The following LRRC40 variants were observed in gnomAD, a reference collection of about 807,000 sequenced individuals.
The protein encoded by LRRC40 is leucine-rich repeat-containing protein 40.
Under a neutral mutation model 72.8 loss-of-function variants are expected in LRRC40, and 76 were observed. That is an observed-to-expected ratio of 1.04 (90% CI 0.87 to 1.26). LRRC40 has a LOEUF of 1.26. LRRC40 is among the 50% of genes most tolerant of loss of function. The probability of loss-of-function intolerance (pLI) is 0.00; values close to 1 mark genes in which losing one functional copy is unlikely to be tolerated. For missense variants in LRRC40, 684 were observed against 698.9 expected (o/e 0.98, Z 0.24); for synonymous variants, 243 against 254.2 (o/e 0.96, Z 0.42).
chr1:70,172,747 T>A (rs1668024557), intron 9 of LRRC40, among the ~76,000 whole-genome samples: 1 of 152,142 alleles, frequency 6.6e-6, no homozygotes, highest in African/African-American at 2.4e-5. Flanking sequence ...ATTATCTTAC[T>A]CATTTAATAT....
chr1:70,195,174 A>G (rs983745884), intron 1 of LRRC40, among the ~76,000 whole-genome samples: 4 of 152,110 alleles, frequency 2.6e-5, no homozygotes, highest in African/African-American at 7.2e-5. Context: ...CTTGGGACAG[A>G]AAAAGTTCAT....
chr1:70,165,554 T>C (rs1236562664), intron 9 of LRRC40, among the ~76,000 whole-genome samples: 1 of 152,208 alleles, frequency 6.6e-6, no homozygotes, highest in East Asian at 1.9e-4. Flanking sequence ...AGTTTTTATC[T>C]CATTTTACCA....
At chr1:70,185,595 G>A (rs972575434) in intron 3 of LRRC40, among the ~76,000 whole-genome samples, 1 of 152,064 alleles carries the variant, frequency 6.6e-6, no homozygotes, top group East Asian at 1.9e-4. Flanking sequence ...GCATGAAAAC[G>A]GACTAATACA....
chr1:70,197,627 T>C (rs1668644756), intron 1 of LRRC40, among the ~76,000 whole-genome samples: 2 of 151,042 alleles, frequency 1.3e-5, no homozygotes, highest in South Asian at 4.3e-4. Flanking sequence ...TGTCTTACTC[T>C]TTTTTCCACT....
At chr1:70,200,664 A>C (rs1668717521) in intron 1 of LRRC40, among the ~76,000 whole-genome samples, 1 of 152,236 alleles carries the variant, frequency 6.6e-6, no homozygotes, top group South Asian at 2.1e-4. Context: ...TATTTCCTCT[A>C]GAACTATATC....
At position 70,205,543 on chromosome 1, in the gene LRRC40, T is replaced by G. The variant is rs1193672699; in HGVS notation, c.-3A>C. The G allele has an allele frequency of 1.3e-6, 2 of 1,592,846 alleles. No individual in the cohort carries two copies. The highest frequency in any genetic ancestry group is 1.1e-5 in the South Asian group (1 of 89,684). On this transcript the variant is annotated 5_prime_UTR_variant, in exon 1 of 15. Coordinates refer to ENST00000370952, the MANE Select transcript of LRRC40 (RefSeq NM_017768.5). ...GCTATCCGCTTCAGGCGCGACATGTTCAAAGTCCTAGGTCCAGAAGCTGCA... is the reference window on the plus strand; with the variant it reads ...GCTATCCGCTTCAGGCGCGACATGTGCAAAGTCCTAGGTCCAGAAGCTGCA...
At chr1:70,161,506 G>A (rs531972279) in intron 9 of LRRC40, among the ~76,000 whole-genome samples, 5 of 149,264 alleles carry the variant, frequency 3.3e-5, no homozygotes, top group South Asian at 2.1e-4. Flanking sequence ...GCAAGATCGC[G>A]CCACTGCACT....
rs370088047 is a variant in LRRC40 at position 70,148,477 on chromosome 1, G to C, written c.1703+10C>G. 6.3e-7 allele frequency: 1 copy of C among 1,594,428 alleles called. No individual in the cohort carries two copies. Among genetic ancestry groups the C allele is most frequent in the Non-Finnish European group, 8.6e-7 (1 of 1,164,230 alleles). Reference sequence around the variant, plus strand: ...ATAAATGAAACAATGCAGTAGAATGGTGTAGTTACCTTAAGTTTACACAAT... The same window carrying C: ...ATAAATGAAACAATGCAGTAGAATGCTGTAGTTACCTTAAGTTTACACAAT... On this transcript the variant is annotated intron_variant, in intron 14 of 14. Coordinates refer to ENST00000370952, the MANE Select transcript of LRRC40 (RefSeq NM_017768.5).
At chr1:70,195,053 C>CA (rs1558128722) in intron 1 of LRRC40, among the ~76,000 whole-genome samples, 2 of 151,950 alleles carry the variant, frequency 1.3e-5, no homozygotes, top group African/African-American at 2.4e-5. Flanking sequence ...GTGACACACT[C>CA]AAAAATTAAC....
intron 2 of LRRC40, among the ~76,000 whole-genome samples, chr1:70,187,838 GGAAGAGAAGAGAAGAGAAGAGAAGA>G (rs60796937): frequency 1.6e-4 from 20 of 123,790 alleles, no homozygotes; most frequent in South Asian, 3.3e-4. Context: ...CTCAAAAAAT[GGAAGAGAAGAGAAGAGAAGAGAAGA>G]GAAGAGAAGA....
chr1:70,178,874 A>G lies in LRRC40; in HGVS notation c.781T>C (p.Phe261Leu), dbSNP rs1240393241. 5.0e-6 allele frequency: 8 copies of G among 1,595,420 alleles called. No homozygotes were observed. Among genetic ancestry groups the G allele is most frequent in the African/African-American group, 1.3e-5 (1 of 74,570 alleles). The change falls in exon 6 of 15, where the codon TTT becomes CTT. Residue 261 changes from phenylalanine to leucine, a missense_variant. By Grantham distance (22) the Phe-to-Leu change is conservative. Coordinates refer to ENST00000370952, the MANE Select transcript of LRRC40 (RefSeq NM_017768.5). ...ACCTTCAATAGACTACAAGAAGGAA[A>G]TTCTGGTAGAAAACGTAATTTATTC... ...RRNKLRFLPE[F>L]PSCSLLKELH...
At chr1:70,190,677 T>TGAAAAAAAAA (rs1424067583) in intron 1 of LRRC40, among the ~76,000 whole-genome samples, 1 of 54,360 alleles carries the variant, frequency 1.8e-5, no homozygotes, top group African/African-American at 1.3e-4. Context: ...ACCCTGTCTC[T>TGAAAAAAAAA]AAAAAAAAAA....
intron 3 of LRRC40, among the ~76,000 whole-genome samples, chr1:70,186,922 T>G (rs1015101495): frequency 6.6e-6 from 1 of 152,130 alleles, no homozygotes; most frequent in African/African-American, 2.4e-5. Context: ...GTTTAGATAT[T>G]TTTAGAATAT....
chr1:70,182,119 C>CT (rs1055968216), intron 4 of LRRC40, among the ~76,000 whole-genome samples: 3 of 151,734 alleles, frequency 2.0e-5, no homozygotes, highest in Admixed American at 6.6e-5. Context: ...TGGATCAAAT[C>CT]TTTTTTTAAA....
At chr1:70,162,980 T>C (rs897610189) in intron 9 of LRRC40, among the ~76,000 whole-genome samples, 1 of 152,214 alleles carries the variant, frequency 6.6e-6, no homozygotes, top group Non-Finnish European at 1.5e-5. Flanking sequence ...ACAAACATTA[T>C]CTTACAGTTT....
At chr1:70,149,737 CAG>C (rs1230612036) in intron 13 of LRRC40, among the ~76,000 whole-genome samples, 1 of 151,998 alleles carries the variant, frequency 6.6e-6, no homozygotes, top group East Asian at 1.9e-4. Flanking sequence ...ATGGAGCAGA[CAG>C]AAGAAAAATT....
Position 70,177,137 on chromosome 1 carries a change from G to A in LRRC40, c.805-1155C>T, listed in dbSNP as rs185160650. 6.7e-4 allele frequency among the ~76,000 whole-genome samples: 102 copies of A among 152,176 alleles called. 1 individual carries two copies. In the East Asian group the frequency reaches 0.018, roughly 27 times the overall value. ...TTAAATATACAGAAATTAGCTTGGC[G>A]TGGTGGTGGGCACCTGTAATCCCAG... On this transcript the variant is annotated intron_variant, in intron 6 of 14. Coordinates refer to ENST00000370952, the MANE Select transcript of LRRC40 (RefSeq NM_017768.5).
At chr1:70,195,051 C>G (rs1029246625) in intron 1 of LRRC40, among the ~76,000 whole-genome samples, 4 of 152,036 alleles carry the variant, frequency 2.6e-5, no homozygotes, top group African/African-American at 9.7e-5. Context: ...TTGTGACACA[C>G]TCAAAAATTA....
At chr1:70,169,077 G>A (rs987060260) in intron 9 of LRRC40, among the ~76,000 whole-genome samples, 3 of 152,116 alleles carry the variant, frequency 2.0e-5, no homozygotes, top group African/African-American at 4.8e-5. Context: ...GGTCCCAGGT[G>A]GGGGAGAACA....
Sources: allele counts gnomAD v4.1 joint callset (sites outside exome capture counted in the v4.1 genomes callset), GRCh38; gene constraint gnomAD v4.1.1; transcripts MANE v1.5; gene names NCBI Gene and HGNC (gene_info 2026-07-23, HGNC 2026-07-21).